CYTH3: variants seen among roughly 807,000 people sequenced by gnomAD.
CYTH3 encodes cytohesin-3.
In CYTH3, 23 loss-of-function variants were observed where a neutral mutation model predicts 55.1. The ratio of observed to expected loss-of-function variants is 0.42; its 90% confidence interval spans 0.30 to 0.59. The LOEUF (loss-of-function observed/expected upper bound fraction) is 0.59, where lower values mean the gene tolerates loss of function less well. CYTH3 is among the 20% of genes least tolerant of loss of function. The probability of loss-of-function intolerance (pLI) is 0.20; values close to 1 mark genes in which losing one functional copy is unlikely to be tolerated. For missense variants in CYTH3, 413 were observed against 524.8 expected (o/e 0.79, Z 2.08); for synonymous variants, 249 against 194.9 (o/e 1.28, Z -2.31).
intron 6 of CYTH3, 131 bp downstream of exon 6, chr7:6,173,522 A>C: frequency 1.4e-6 from 1 of 698,702 alleles, no homozygotes; most frequent in Non-Finnish European, 2.6e-6. Flanking sequence ...GATCATCCGG[A>C]AAAGGAGCCA....
intron 1 of CYTH3, among the ~76,000 whole-genome samples, chr7:6,257,511 A>G (rs748331730): frequency 9.2e-5 from 14 of 152,236 alleles, no homozygotes; most frequent in Non-Finnish European, 1.8e-4. Flanking sequence ...AAATACACAT[A>G]AAGATTTGCC....
At position 6,164,311 on chromosome 7, in the gene CYTH3, A is replaced by G. The variant is rs1277725502; in HGVS notation, c.*633T>C. On this transcript the variant is annotated 3_prime_UTR_variant, in exon 13 of 13. Coordinates refer to ENST00000350796, the MANE Select transcript of CYTH3 (RefSeq NM_004227.4). Reference sequence around the variant, plus strand: ...GATATTTTTTCAGTGCACAGTATATACTTGTGTCCAGGAGTTAACTTTATA... The same window carrying G: ...GATATTTTTTCAGTGCACAGTATATGCTTGTGTCCAGGAGTTAACTTTATA... 1 of 153,032 alleles carries G rather than the reference A, an allele frequency of 6.5e-6. No individual in the cohort carries two copies. Among genetic ancestry groups the G allele is most frequent in the East Asian group, 1.9e-4 (1 of 5,204 alleles). The allele number at this position is 153,032 out of a possible 1,614,324, so 9.5% of individuals were successfully genotyped here.
chr7:6,235,802 T>C (rs953490978), intron 1 of CYTH3, among the ~76,000 whole-genome samples: 27 of 152,170 alleles, frequency 1.8e-4, no homozygotes, highest in Non-Finnish European at 1.0e-4. Context: ...AATGTGGAGT[T>C]TTCTATTCTC....
chr7:6,272,421 C>G, intron 1 of CYTH3, 53 bp downstream of exon 1: 1 of 957,358 alleles, frequency 1.0e-6, no homozygotes, highest in South Asian at 2.0e-5. Context: ...ACCCCCAGCC[C>G]CCGGCCCCCG....
chr7:6,271,868 C>G (rs1418685687), intron 1 of CYTH3, among the ~76,000 whole-genome samples: 1 of 152,098 alleles, frequency 6.6e-6, no homozygotes, highest in East Asian at 1.9e-4. Context: ...TCTGCCGTTT[C>G]CTAAAACGTC....
chr7:6,262,725 G>C (rs927107233), intron 1 of CYTH3, among the ~76,000 whole-genome samples: 7 of 152,134 alleles, frequency 4.6e-5, no homozygotes, highest in African/African-American at 1.7e-4. Context: ...TAACTTGAAA[G>C]CCTCCAACTA....
chr7:6,166,176 C>T (rs974479245), intron 9 of CYTH3, among the ~76,000 whole-genome samples: 9 of 152,342 alleles, frequency 5.9e-5, no homozygotes, highest in African/African-American at 2.2e-4. Flanking sequence ...GTGGTTATCG[C>T]ATTACAGAGG....
intron 4 of CYTH3, among the ~76,000 whole-genome samples, chr7:6,184,680 G>A (rs997479136): frequency 1.3e-5 from 2 of 151,798 alleles, no homozygotes; most frequent in Admixed American, 1.3e-4. Context: ...CCAGGTTCAA[G>A]CGATTCTCGC....
intron 5 of CYTH3, among the ~76,000 whole-genome samples, chr7:6,175,076 G>GTAT (rs1783309035): frequency 6.6e-6 from 1 of 152,176 alleles, no homozygotes; most frequent in Non-Finnish European, 1.5e-5. Context: ...AATCTGCTAA[G>GTAT]GACTTACATC....
intron 1 of CYTH3, among the ~76,000 whole-genome samples, chr7:6,219,794 T>A (rs1162884484): frequency 4.6e-5 from 7 of 152,154 alleles, no homozygotes; most frequent in Non-Finnish European, 7.3e-5. Flanking sequence ...AGTTTTTTTT[T>A]AAGAGATAGC....
chr7:6,193,806 T>C (rs775884097), intron 1 of CYTH3, among the ~76,000 whole-genome samples: 1 of 152,134 alleles, frequency 6.6e-6, no homozygotes, highest in African/African-American at 2.4e-5. Flanking sequence ...TCTAACACGT[T>C]TGAGGGCAAG....
intron 4 of CYTH3, among the ~76,000 whole-genome samples, chr7:6,185,352 G>A (rs1295474680): frequency 6.6e-6 from 1 of 151,124 alleles, no homozygotes; most frequent in Non-Finnish European, 1.5e-5. Flanking sequence ...TTGGGAGGCT[G>A]AGGTGGGCAG....
chr7:6,272,510 T>C lies in CYTH3; in HGVS notation c.-3A>G. On this transcript the variant is annotated 5_prime_UTR_variant, in exon 1 of 13. Transcript: ENST00000350796. ...TCGCCGCCGCCGTCTTCATCCATCT[T>C]GAGGCCACTCCCGCAGCCGGCGAGC... The C allele has an allele frequency of 7.6e-7, 1 of 1,323,976 alleles. No homozygotes were observed. The highest frequency in any genetic ancestry group is 9.8e-7 in the Non-Finnish European group (1 of 1,024,836). 82.0% of individuals were successfully genotyped at this position (1,323,976 alleles called of 1,614,324 possible).
At chr7:6,195,929 A>G (rs1358846225) in intron 1 of CYTH3, among the ~76,000 whole-genome samples, 2 of 152,236 alleles carry the variant, frequency 1.3e-5, no homozygotes, top group East Asian at 3.8e-4. Flanking sequence ...AATAAGCTCA[A>G]GGAGATCCAA....
At chr7:6,248,556 G>A (rs1469002778) in intron 1 of CYTH3, among the ~76,000 whole-genome samples, 1 of 152,190 alleles carries the variant, frequency 6.6e-6, no homozygotes, top group African/African-American at 2.4e-5. Flanking sequence ...TGGCGCCCAG[G>A]AGAAGCTCTA....
chr7:6,259,171 A>C (rs1780212612), intron 1 of CYTH3, among the ~76,000 whole-genome samples: 1 of 152,244 alleles, frequency 6.6e-6, no homozygotes, highest in South Asian at 2.1e-4. Flanking sequence ...GCACATTGCC[A>C]AACATCTGGA....
chr7:6,257,928 C>T (rs1780172498), intron 1 of CYTH3, among the ~76,000 whole-genome samples: 1 of 152,052 alleles, frequency 6.6e-6, no homozygotes, highest in African/African-American at 2.4e-5. Flanking sequence ...AGGGTGTGGG[C>T]TTGGAAATGG....
chr7:6,172,320 C>T (rs933170975), intron 6 of CYTH3, among the ~76,000 whole-genome samples: 1 of 152,080 alleles, frequency 6.6e-6, no homozygotes, highest in Non-Finnish European at 1.5e-5. Flanking sequence ...CCACTCTCTA[C>T]CAGGCCCCTT....
At chr7:6,238,563 A>C (rs1177669145) in intron 1 of CYTH3, among the ~76,000 whole-genome samples, 1 of 152,230 alleles carries the variant, frequency 6.6e-6, no homozygotes, top group Admixed American at 6.5e-5. Context: ...GTAAATGTAA[A>C]AAGAAAGCCC....
Sources: gnomAD v4.1 joint callset for allele counts (sites outside exome capture counted in the v4.1 genomes callset) on GRCh38, gnomAD v4.1.1 for gene constraint, MANE v1.5 for transcripts, NCBI Gene and HGNC (gene_info 2026-07-23, HGNC 2026-07-21) for gene names.